Variants in FAM222B observed in about 807,000 individuals in gnomAD.
FAM222B encodes protein FAM222B.
A neutral mutation model predicts 38.0 loss-of-function variants in FAM222B; 12 were observed. The observed-to-expected ratio is 0.32, with a 90% CI of 0.20 to 0.51. The LOEUF is 0.51. Among genes scored for constraint, FAM222B ranks in the 20% least tolerant of loss-of-function variants. FAM222B has a pLI of 0.97. For synonymous variants in FAM222B, 329 were observed against 317.2 expected, an observed-to-expected ratio of 1.04 and a Z score of -0.40; for missense variants, 716 against 754.2, an observed-to-expected ratio of 0.95 and a Z score of 0.59.
upstream of FAM222B, among the ~76,000 whole-genome samples, chr17:28,845,482 G>A (rs1243933119): frequency 6.6e-6 from 1 of 151,852 alleles, no homozygotes; most frequent in East Asian, 1.9e-4. Context: ...GGGAGGCCGA[G>A]GCAGGAGAAT....
Position 28,853,165 on chromosome 17 carries a change from C to T in FAM222B, c.-41+1785G>A, listed in dbSNP as rs563827541. Among the ~76,000 whole-genome samples, 4 of 149,748 alleles carry T rather than the reference C, an allele frequency of 2.7e-5. No homozygotes were observed. In the Admixed American group the frequency reaches 2.7e-4, roughly 10 times the overall value. ...CCAAGATTGCACCATTGCACTGAAG[C>T]CTGGGCAACAAGAGTGAAACTCTGT... On this transcript the variant is annotated intron_variant, in intron 1 of 2. Coordinates refer to the FAM222B transcript ENST00000577513.
intron 1 of FAM222B, among the ~76,000 whole-genome samples, chr17:28,850,099 C>A (rs975914614): frequency 6.6e-6 from 1 of 151,902 alleles, no homozygotes; most frequent in Non-Finnish European, 1.5e-5. Context: ...AAAAATTCCC[C>A]CTCCTCCCAT....
Position 28,758,922 on chromosome 17 carries a change from G to A in FAM222B, c.1037C>T (p.Pro346Leu). 1.9e-6 allele frequency: 3 copies of A among 1,609,584 alleles called. No individual in the cohort carries two copies. Among genetic ancestry groups the A allele is most frequent in the Non-Finnish European group, 2.5e-6 (3 of 1,178,324 alleles). ...ALPAAGPVNLPTGISRVPTGY... is the reference protein window; with the variant it reads ...ALPAAGPVNLLTGISRVPTGY... ...AGTGGGGACGCGAGAGATGCCTGTGGGCAGGTTGACAGGACCTGCAGCAGG... is the reference window on the plus strand; with the variant it reads ...AGTGGGGACGCGAGAGATGCCTGTGAGCAGGTTGACAGGACCTGCAGCAGG... Residue 346 changes from proline to leucine, a missense_variant, in exon 3 of 3, where the codon CCC becomes CTC. Coordinates refer to ENST00000581407, the MANE Select transcript of FAM222B (RefSeq NM_001077498.3).
chr17:28,827,565 A>C (rs1889418747), intron 1 of FAM222B, among the ~76,000 whole-genome samples: 1 of 152,224 alleles, frequency 6.6e-6, no homozygotes, highest in Admixed American at 6.5e-5. Context: ...GTAGCCCATC[A>C]GCAAGAGTGA....
At chr17:28,838,681 C>A (rs1017153686) in intron 1 of FAM222B, among the ~76,000 whole-genome samples, 1 of 151,946 alleles carries the variant, frequency 6.6e-6, no homozygotes, top group African/African-American at 2.4e-5. Flanking sequence ...CCGAGGCAGG[C>A]GGATCACCTG....
chr17:28,802,220 C>A (rs2037269649), intron 1 of FAM222B, among the ~76,000 whole-genome samples: 1 of 151,942 alleles, frequency 6.6e-6, no homozygotes. Context: ...GCTTCAGCCT[C>A]CCGAGTAGCT....
intron 1 of FAM222B, among the ~76,000 whole-genome samples, chr17:28,793,664 C>T (rs1278559164): frequency 1.3e-5 from 2 of 152,000 alleles, no homozygotes; most frequent in Non-Finnish European, 1.5e-5. Context: ...CAGCCATCAA[C>T]TTATCCCCTA....
Position 28,796,607 on chromosome 17 carries a change from C to CA in FAM222B, c.-40-29901dup, listed in dbSNP as rs536789680. On this transcript the variant is annotated intron_variant, in intron 1 of 2. Coordinates refer to ENST00000581407, the MANE Select transcript of FAM222B (RefSeq NM_001077498.3). ...TGTAGTAGTAAGAAGAGACAGTATG[C>CA]AAAGACAGAAGCTACTGTTATACTA... Among the ~76,000 whole-genome samples the CA allele has an allele frequency of 1.8e-3, 270 of 152,058 alleles. 3 individuals are homozygous for CA. The highest frequency in any genetic ancestry group is 6.8e-3 in the Middle Eastern group (2 of 294).
upstream of FAM222B, among the ~76,000 whole-genome samples, chr17:28,844,824 G>A (rs1280866357): frequency 6.6e-6 from 1 of 152,044 alleles, no homozygotes. Context: ...ATAGTGGCCA[G>A]GCAAGATAGC....
chr17:28,783,527 T>C (rs1410190790), intron 1 of FAM222B, among the ~76,000 whole-genome samples: 2 of 151,972 alleles, frequency 1.3e-5, no homozygotes, highest in African/African-American at 4.8e-5. Flanking sequence ...TTTTTTTTTT[T>C]TTTTAAACAA....
intron 1 of FAM222B, among the ~76,000 whole-genome samples, chr17:28,850,715 T>C (rs1414155124): frequency 1.3e-5 from 2 of 152,146 alleles, no homozygotes; most frequent in African/African-American, 4.8e-5. Context: ...GTTTGCCTAT[T>C]TTCTTCTGTC....
intron 1 of FAM222B, among the ~76,000 whole-genome samples, chr17:28,798,188 T>C (rs771820008): frequency 6.6e-5 from 10 of 152,106 alleles, no homozygotes; most frequent in Non-Finnish European, 1.2e-4. Context: ...TCCAAGAGTT[T>C]GAGACCAGCC....
chr17:28,772,448 G>A (rs2151807016), intron 1 of FAM222B, among the ~76,000 whole-genome samples: 1 of 151,968 alleles, frequency 6.6e-6, no homozygotes, highest in South Asian at 2.1e-4. Context: ...AGAGAGGCCG[G>A]TCGCGGTGGC....
chr17:28,820,407 C>T (rs2038167389), intron 1 of FAM222B, among the ~76,000 whole-genome samples: 8 of 152,188 alleles, frequency 5.3e-5, no homozygotes, highest in Admixed American at 5.2e-4. Flanking sequence ...CAAAGCCTAA[C>T]TGCAACAATC....
At chr17:28,830,938 C>T (rs866018015) in intron 1 of FAM222B, among the ~76,000 whole-genome samples, 52 of 151,308 alleles carry the variant, frequency 3.4e-4, no homozygotes, top group African/African-American at 1.3e-3. Flanking sequence ...CACTGAATTG[C>T]CTTTGCACCT....
At chr17:28,818,266 C>T (rs1233829597) in intron 1 of FAM222B, among the ~76,000 whole-genome samples, 3 of 152,124 alleles carry the variant, frequency 2.0e-5, no homozygotes, top group Middle Eastern at 3.4e-3. Flanking sequence ...CGGTGGCTCA[C>T]GCCTGTAATC....
At chr17:28,810,963 C>T (rs1008530631) in intron 1 of FAM222B, among the ~76,000 whole-genome samples, 10 of 152,094 alleles carry the variant, frequency 6.6e-5, no homozygotes, top group Non-Finnish European at 1.5e-4. Flanking sequence ...TCAATTCTGT[C>T]TTCAAAAGTG....
At chr17:28,829,487 C>A (rs1408079301) in intron 1 of FAM222B, among the ~76,000 whole-genome samples, 1 of 151,988 alleles carries the variant, frequency 6.6e-6, no homozygotes, top group Non-Finnish European at 1.5e-5. Context: ...TCTCTCTAGT[C>A]TTACCCAAAG....
At chr17:28,813,980 T>C (rs1357990004) in intron 1 of FAM222B, among the ~76,000 whole-genome samples, 3 of 151,812 alleles carry the variant, frequency 2.0e-5, no homozygotes, top group African/African-American at 7.3e-5. Context: ...GAGGCCAACG[T>C]GGGCAGATCA....
Sources: allele counts gnomAD v4.1 joint callset (sites outside exome capture counted in the v4.1 genomes callset), GRCh38; gene constraint gnomAD v4.1.1; transcripts MANE v1.5; gene names NCBI Gene and HGNC (gene_info 2026-07-23, HGNC 2026-07-21).